QTMAN: variants seen among roughly 807,000 people sequenced by gnomAD.
QTMAN encodes the protein queuosine-tRNA mannosyltransferase.
the QTMAN span, among the ~76,000 whole-genome samples, chr2:144,330,414 T>A: frequency 6.6e-6 from 1 of 152,222 alleles, no homozygotes; most frequent in African/African-American, 2.4e-5. Flanking sequence ...AGAACATACC[T>A]GTCATTAAAT....
At chr2:143,954,115 T>C in the QTMAN span, among the ~76,000 whole-genome samples, 1 of 151,920 alleles carries the variant, frequency 6.6e-6, no homozygotes, top group Admixed American at 6.6e-5. Flanking sequence ...TTTTGATACA[T>C]AGGGTACACA....
At chr2:144,045,060 T>G in the QTMAN span, among the ~76,000 whole-genome samples, 15 of 152,288 alleles carry the variant, frequency 9.8e-5, no homozygotes, top group African/African-American at 3.6e-4. Flanking sequence ...ACTCAAATAC[T>G]TGAACATATA....
the QTMAN span, among the ~76,000 whole-genome samples, chr2:144,190,409 T>A: frequency 6.6e-6 from 1 of 152,196 alleles, no homozygotes; most frequent in Non-Finnish European, 1.5e-5. Context: ...AAGGACCAGG[T>A]AGTCATGCTT....
chr2:143,966,696 T>C, the QTMAN span, among the ~76,000 whole-genome samples: 5 of 152,254 alleles, frequency 3.3e-5, no homozygotes, highest in African/African-American at 1.2e-4. Context: ...CTATAAACTG[T>C]AGCACTATAA....
the QTMAN span, among the ~76,000 whole-genome samples, chr2:143,999,061 C>T: frequency 6.6e-6 from 1 of 151,942 alleles, no homozygotes; most frequent in African/African-American, 2.4e-5. Context: ...AATTGCCAGG[C>T]ACTCTGGTTA....
At chr2:143,951,383 G>A in the QTMAN span, among the ~76,000 whole-genome samples, 3 of 151,672 alleles carry the variant, frequency 2.0e-5, no homozygotes, top group South Asian at 6.2e-4. Context: ...GATAACGAAT[G>A]AGGGTAGTGA....
chr2:144,230,655 T>C, the QTMAN span, among the ~76,000 whole-genome samples: 10 of 152,280 alleles, frequency 6.6e-5, no homozygotes, highest in Admixed American at 4.6e-4. Flanking sequence ...GAAATACCCA[T>C]TGTTGCCTGG....
the QTMAN span, among the ~76,000 whole-genome samples, chr2:143,948,944 C>G: frequency 6.6e-6 from 1 of 151,970 alleles, no homozygotes; most frequent in African/African-American, 2.4e-5. Flanking sequence ...GTACATGTCT[C>G]GACAATACAA....
the QTMAN span, among the ~76,000 whole-genome samples, chr2:144,067,295 T>G: frequency 1.3e-5 from 2 of 150,788 alleles, no homozygotes; most frequent in Non-Finnish European, 2.9e-5. Context: ...AATTTAAGGT[T>G]TTTTAAATTG....
chr2:144,079,199 G>A, the QTMAN span, among the ~76,000 whole-genome samples: 1 of 152,072 alleles, frequency 6.6e-6, no homozygotes. Flanking sequence ...ACATTATTTG[G>A]CAAGCACATA....
At chr2:144,058,420 C>T in the QTMAN span, among the ~76,000 whole-genome samples, 399 of 152,236 alleles carry the variant, frequency 2.6e-3, 4 homozygotes, top group African/African-American at 8.5e-3. Flanking sequence ...TCTATTGGTA[C>T]TGCCTTTTTC....
At chr2:144,142,092 A>T in the QTMAN span, 1 of 1,450,816 alleles carries the variant, frequency 6.9e-7, no homozygotes, top group African/African-American at 1.4e-5. Flanking sequence ...TGATGAGCCC[A>T]GACTCATTCA....
chr2:144,252,310 GGCT>G, the QTMAN span, among the ~76,000 whole-genome samples: 1 of 152,114 alleles, frequency 6.6e-6, no homozygotes, highest in African/African-American at 2.4e-5. Context: ...AGGAATTTGA[GGCT>G]GCAGTGAGCT....
the QTMAN span, among the ~76,000 whole-genome samples, chr2:144,093,931 T>TAGA: frequency 1.2e-4 from 19 of 152,354 alleles, no homozygotes; most frequent in Non-Finnish European, 1.5e-4. Flanking sequence ...GCAATGTAAT[T>TAGA]ATCTTATTTG....
the QTMAN span, among the ~76,000 whole-genome samples, chr2:143,955,833 T>C: frequency 6.6e-6 from 1 of 152,228 alleles, no homozygotes; most frequent in South Asian, 2.1e-4. Flanking sequence ...ACTTTATTTG[T>C]GTAAAATTTT....
chr2:143,988,057 A>G, the QTMAN span, among the ~76,000 whole-genome samples: 2 of 152,212 alleles, frequency 1.3e-5, no homozygotes, highest in Non-Finnish European at 2.9e-5. Flanking sequence ...CCAAGGAGGT[A>G]GCAGCTTTGC....
chr2:144,204,267 C>G, the QTMAN span, among the ~76,000 whole-genome samples: 1 of 152,110 alleles, frequency 6.6e-6, no homozygotes, highest in Non-Finnish European at 1.5e-5. Flanking sequence ...AGCTAATAAC[C>G]AGAATCTACA....
the QTMAN span, among the ~76,000 whole-genome samples, chr2:144,099,700 G>A: frequency 6.6e-6 from 1 of 152,118 alleles, no homozygotes; most frequent in African/African-American, 2.4e-5. Flanking sequence ...CACCAAAATG[G>A]TCTAGCTCCT....
the QTMAN span, among the ~76,000 whole-genome samples, chr2:144,061,182 T>C: frequency 6.6e-6 from 1 of 152,200 alleles, no homozygotes; most frequent in Non-Finnish European, 1.5e-5. Context: ...TCTGAAATCA[T>C]GACTTCATTT....
Sources: gnomAD v4.1 joint callset for allele counts (sites outside exome capture counted in the v4.1 genomes callset) on GRCh38, gnomAD v4.1.1 for gene constraint, MANE v1.5 for transcripts, NCBI Gene and HGNC (gene_info 2026-07-23, HGNC 2026-07-21) for gene names.